The following GALNT13 variants were observed in gnomAD, a reference collection of about 807,000 sequenced individuals.
The protein encoded by GALNT13 is UDP-GalNAc:polypeptide N-acetylgalactosaminyltransferase 13.
In GALNT13, 28 loss-of-function variants were observed where a neutral mutation model predicts 64.2. The observed-to-expected ratio is 0.44, with a 90% CI of 0.32 to 0.60. GALNT13 has a LOEUF of 0.60. GALNT13 is among the 20% of genes least tolerant of loss of function. The pLI is 0.05. For synonymous variants in GALNT13, 214 were observed against 224.6 expected, an observed-to-expected ratio of 0.95 and a Z score of 0.42; for missense variants, 577 against 669.8, an observed-to-expected ratio of 0.86 and a Z score of 1.53.
the GALNT13 span, among the ~76,000 whole-genome samples, chr2:153,654,502 A>T: frequency 6.6e-6 from 1 of 152,056 alleles, no homozygotes; most frequent in South Asian, 2.1e-4. Context: ...ACAAAAATCC[A>T]CATTTTTAAA....
chr2:153,657,960 G>C, the GALNT13 span, among the ~76,000 whole-genome samples: 3 of 151,970 alleles, frequency 2.0e-5, no homozygotes, highest in Non-Finnish European at 4.4e-5. Context: ...ATATACCTAA[G>C]TCTGCCTTCT....
the GALNT13 span, among the ~76,000 whole-genome samples, chr2:153,102,798 A>T: frequency 6.6e-6 from 1 of 152,096 alleles, no homozygotes; most frequent in Non-Finnish European, 1.5e-5. Context: ...AAACCACTTC[A>T]CAGGCATGCC....
chr2:154,356,139 T>C (rs1696735693), intron 9 of GALNT13, among the ~76,000 whole-genome samples: 1 of 152,172 alleles, frequency 6.6e-6, no homozygotes, highest in East Asian at 1.9e-4. Flanking sequence ...GCTTAAAATC[T>C]GTTTGCTTTG....
chr2:153,654,681 T>C, the GALNT13 span, among the ~76,000 whole-genome samples: 1 of 152,056 alleles, frequency 6.6e-6, no homozygotes, highest in Non-Finnish European at 1.5e-5. Context: ...AAATACAACA[T>C]AATTATTTAT....
chr2:153,118,045 A>G, the GALNT13 span, among the ~76,000 whole-genome samples: 311 of 150,380 alleles, frequency 2.1e-3, 2 homozygotes, highest in African/African-American at 6.9e-3. Flanking sequence ...ATTCCAGTCA[A>G]TCCTTCACAT....
intron 9 of GALNT13, among the ~76,000 whole-genome samples, chr2:154,350,526 T>C (rs1168849672): frequency 6.6e-6 from 1 of 152,166 alleles, no homozygotes; most frequent in Non-Finnish European, 1.5e-5. Flanking sequence ...TTCCCTACTT[T>C]TGAGGTTTGG....
chr2:154,143,137 T>C (rs898274007), intron 4 of GALNT13, among the ~76,000 whole-genome samples: 1 of 152,160 alleles, frequency 6.6e-6, no homozygotes, highest in East Asian at 1.9e-4. Context: ...CTGTTCTAAC[T>C]CAGTTGATCA....
At chr2:153,384,566 G>C in the GALNT13 span, among the ~76,000 whole-genome samples, 3 of 151,942 alleles carry the variant, frequency 2.0e-5, no homozygotes, top group African/African-American at 7.2e-5. Context: ...TGGAAATTAA[G>C]GTCCAGTCTT....
chr2:153,352,511 T>C, the GALNT13 span, among the ~76,000 whole-genome samples: 1 of 152,142 alleles, frequency 6.6e-6, no homozygotes, highest in African/African-American at 2.4e-5. Context: ...AGTGTTATTC[T>C]AAGAATAATT....
intron 3 of GALNT13, among the ~76,000 whole-genome samples, chr2:153,992,362 C>CT (rs1412686060): frequency 1.3e-5 from 2 of 152,124 alleles, no homozygotes; most frequent in African/African-American, 4.8e-5. Flanking sequence ...CAGATACAAA[C>CT]TGTGCTTTGA....
intron 4 of GALNT13, among the ~76,000 whole-genome samples, chr2:154,152,725 G>T (rs1015242268): frequency 6.6e-6 from 1 of 152,000 alleles, no homozygotes; most frequent in Non-Finnish European, 1.5e-5. Flanking sequence ...GATCGCATCG[G>T]CTCCTGACAC....
chr2:153,068,796 C>T, the GALNT13 span, among the ~76,000 whole-genome samples: 1 of 152,156 alleles, frequency 6.6e-6, no homozygotes, highest in South Asian at 2.1e-4. Context: ...TCTTTTTGAT[C>T]TAACAGTGGT....
At chr2:153,768,762 A>C in the GALNT13 span, among the ~76,000 whole-genome samples, 4 of 152,202 alleles carry the variant, frequency 2.6e-5, no homozygotes, top group Non-Finnish European at 5.9e-5. Flanking sequence ...ACTACTCGGA[A>C]GGCTGAGGCA....
At chr2:153,220,407 ATGGTGAAGTATGACCTTC>A in the GALNT13 span, among the ~76,000 whole-genome samples, 28 of 152,220 alleles carry the variant, frequency 1.8e-4, no homozygotes, top group African/African-American at 6.8e-4. Flanking sequence ...AAGAGGCAAA[ATGGTGAAGTATGACCTTC>A]TGGGGCCATT....
At chr2:153,594,130 AG>A in the GALNT13 span, among the ~76,000 whole-genome samples, 2 of 152,148 alleles carry the variant, frequency 1.3e-5, no homozygotes, top group African/African-American at 4.8e-5. Context: ...GAAATCTAAA[AG>A]TCAAATGAAT....
At chr2:153,565,076 G>T in the GALNT13 span, among the ~76,000 whole-genome samples, 1 of 152,134 alleles carries the variant, frequency 6.6e-6, no homozygotes, top group African/African-American at 2.4e-5. Context: ...ATGAGGACAT[G>T]GGAAAGCTGA....
intron 11 of GALNT13, among the ~76,000 whole-genome samples, chr2:154,419,110 C>T (rs538706115): frequency 6.6e-6 from 1 of 152,044 alleles, no homozygotes; most frequent in East Asian, 1.9e-4. Flanking sequence ...AAATCCTGCA[C>T]AGGAGTGTTA....
chr2:153,828,236 C>G, the GALNT13 span, among the ~76,000 whole-genome samples: 1 of 152,204 alleles, frequency 6.6e-6, no homozygotes, highest in Non-Finnish European at 1.5e-5. Context: ...TTCTCACAGC[C>G]CCACTGTGCC....
chr2:154,446,983 G>GTTT (rs5835517), intron 12 of GALNT13, among the ~76,000 whole-genome samples: 2 of 150,416 alleles, frequency 1.3e-5, no homozygotes, highest in East Asian at 3.9e-4. Context: ...GGGTTTTTTT[G>GTTT]TTTTTTTTCT....
Sources: gnomAD v4.1 joint callset for allele counts (sites outside exome capture counted in the v4.1 genomes callset) on GRCh38, gnomAD v4.1.1 for gene constraint, MANE v1.5 for transcripts, NCBI Gene and HGNC (gene_info 2026-07-23, HGNC 2026-07-21) for gene names.